Variants in FLNC observed in about 807,000 individuals in gnomAD.
The protein encoded by FLNC is filamin C.
A neutral mutation model predicts 254.3 loss-of-function variants in FLNC; 91 were observed. That is an observed-to-expected ratio of 0.36 (90% confidence interval 0.30 to 0.43). FLNC has a LOEUF of 0.43. Among genes scored for constraint, FLNC ranks in the 20% least tolerant of loss-of-function variants. The pLI is 1.00. For synonymous variants in FLNC, 1,430 were observed against 1,577.2 expected, an observed-to-expected ratio of 0.91 and a Z score of 2.21; for missense variants, 2,853 against 3,802.6, an observed-to-expected ratio of 0.75 and a Z score of 6.57.
rs1268909811 is a variant in FLNC at position 128,857,330 on chromosome 7, G to A, written c.7774G>A (p.Val2592Ile). Residue 2592 changes from valine (V) to isoleucine (I), a missense_variant, in exon 46 of 48, where the codon GTC (valine) becomes ATC (isoleucine). Physicochemically the swap from Val to Ile is conservative, Grantham distance 29 (BLOSUM62 3). Transcript: ENST00000325888. This position sits in a 1 kb window ranked among gnomAD's most constrained non-coding sequence, Gnocchi z 4.5. ...HIVGSPFKAKVTGPRLSGGHS... is the reference protein window; with the variant it reads ...HIVGSPFKAKITGPRLSGGHS... ...CGTGGGCAGCCCCTTCAAGGCCAAG[G>A]TCACTGGTGAGTGCCAGTTTGGGGG... 1.9e-6 allele frequency: 3 copies of A among 1,612,266 alleles called. No homozygotes were observed. Among genetic ancestry groups the A allele is most frequent in the African/African-American group, 1.3e-5 (1 of 74,854 alleles).
In FLNC at chr7:128,830,650, A is replaced by G. The variant is rs2128932075; in HGVS notation, c.13A>G (p.Ser5Gly). The G allele has an allele frequency of 1.2e-6, 2 of 1,612,086 alleles. No homozygotes were observed. The highest frequency in any genetic ancestry group is 2.2e-5 in the East Asian group (1 of 44,828). ...AGCCCGCGCCAGCATGATGAACAAC[A>G]GCGGCTACTCAGACGCCGGCCTCGG... MMNN[S>G]GYSDAGLGLG... Residue 5 changes from serine to glycine, a missense_variant, in exon 1 of 48, where the codon AGC becomes GGC. Ser to Gly is a moderately conservative substitution (Grantham distance 56). Transcript: ENST00000325888.
chr7:128,836,345 CAGCCTCCTGGGA>C lies in FLNC; in HGVS notation c.601+775_601+786del, dbSNP rs1259698538. Among the ~76,000 whole-genome samples the C allele has an allele frequency of 6.6e-6, 1 of 152,222 alleles. No individual in the cohort carries two copies. Among genetic ancestry groups the C allele is most frequent in the East Asian group, 1.9e-4 (1 of 5,192 alleles). ...GAGCAGAGGGTGGGAGGCGGGGGCA[CAGCCTCCTGGGA>C]AGCATTCCCAGCTGCTGAGCCATGG... is the stretch of plus-strand genomic sequence containing the variant. On this transcript the variant is annotated intron_variant, in intron 2 of 47. Transcript: ENST00000325888. This position sits in a 1 kb window ranked among gnomAD's most constrained non-coding sequence, Gnocchi z 6.0.
Position 128,854,794 on chromosome 7 carries a change from C to T in FLNC, c.7017C>T (p.Thr2339=), listed in dbSNP as rs1198721742. ...AGVPAEFSIW[T]REAGAGGLSI... Reference sequence around the variant, plus strand: ...CCCCAGCCGAGTTCAGCATCTGGACCCGGGAGGCTGGCGCTGGGGGCCTGT... The same window carrying T: ...CCCCAGCCGAGTTCAGCATCTGGACTCGGGAGGCTGGCGCTGGGGGCCTGT... The change falls in exon 42 of 48, where the codon ACC becomes ACT. Residue 2339 remains threonine, a synonymous_variant. Coordinates refer to ENST00000325888, the MANE Select transcript of FLNC (RefSeq NM_001458.5). 1 of 1,613,990 alleles carries T rather than the reference C, an allele frequency of 6.2e-7. No individual in the cohort carries two copies. The highest frequency in any genetic ancestry group is 8.5e-7 in the Non-Finnish European group (1 of 1,180,042).
Position 128,836,698 on chromosome 7 carries a change from G to A in FLNC, c.602-462G>A, listed in dbSNP as rs1481723056. The stretch of plus-strand genomic sequence containing the variant: ...AGTCTCATACCCTAAGACTGGTGTG[G>A]AAAGCGTTTGGAGTTCTAGAGCTTC... On this transcript the variant is annotated intron_variant, in intron 2 of 47. Transcript: ENST00000325888. The surrounding 1 kb of genome is among the most constrained non-coding windows in gnomAD (Gnocchi z 6.0). 3.9e-5 allele frequency among the ~76,000 whole-genome samples: 6 copies of A among 152,222 alleles called. No individual in the cohort carries two copies.
In FLNC at chr7:128,858,324, C is replaced by G; in HGVS notation, c.7991-12C>G. 1 of 1,475,408 alleles carries G rather than the reference C, an allele frequency of 6.8e-7. No individual in the cohort carries two copies. The highest frequency in any genetic ancestry group is 9.4e-7 in the Non-Finnish European group (1 of 1,061,512). The allele number at this position is 1,475,408 out of a possible 1,614,324, so 91.4% of individuals were successfully genotyped here. On this transcript the variant is annotated splice_polypyrimidine_tract_variant and intron_variant, in intron 47 of 47. Transcript: ENST00000325888. This position sits in a 1 kb window ranked among gnomAD's most constrained non-coding sequence, Gnocchi z 6.7. ...CCCTGGTGTGAGCCTGTCCCTCTGC[C>G]TCCCTCTCCAGGCACCAACATGATG...
rs373293417 is a variant in FLNC at position 128,841,381 on chromosome 7, A to T, written c.2007+18A>T. 9 of 1,613,648 alleles carry T rather than the reference A, an allele frequency of 5.6e-6. No individual in the cohort carries two copies. The highest frequency in any genetic ancestry group is 7.6e-6 in the Non-Finnish European group (9 of 1,179,800). ...CAGATAAGGTGTGGTCCCAGCTCAC[A>T]CACACCTGCCCCGGGGGTGGGGCAA... On this transcript the variant is annotated intron_variant, in intron 12 of 47. Coordinates refer to ENST00000325888, the MANE Select transcript of FLNC (RefSeq NM_001458.5). The surrounding 1 kb of genome is among the most constrained non-coding windows in gnomAD (Gnocchi z 4.3).
Position 128,842,108 on chromosome 7 carries a change from C to A in FLNC, c.2122-123C>A. 9.7e-7 allele frequency: 1 copy of A among 1,028,088 alleles called. No homozygotes were observed. Among genetic ancestry groups the A allele is most frequent in the South Asian group, 1.4e-5 (1 of 70,104 alleles). The allele number at this position is 1,028,088 out of a possible 1,614,324, so 63.7% of individuals were successfully genotyped here. A position where few individuals can be genotyped will look rare whatever the true frequency, so the allele number is the denominator to read the frequency against. ...CCCTGGGCTCTGGTGGCCTCAGTGGCTGGTGTGGGGGCGGGAGTGCCAGTG... is the reference window on the plus strand; with the variant it reads ...CCCTGGGCTCTGGTGGCCTCAGTGGATGGTGTGGGGGCGGGAGTGCCAGTG... On this transcript the variant is annotated intron_variant, in intron 13 of 47. Transcript: ENST00000325888. This position sits in a 1 kb window ranked among gnomAD's most constrained non-coding sequence, Gnocchi z 5.4.
At chr7:128,839,240 G>GC (rs1482478298) in intron 8 of FLNC, among the ~76,000 whole-genome samples, 1 of 152,134 alleles carries the variant, frequency 6.6e-6, no homozygotes, top group Non-Finnish European at 1.5e-5. Context: ...GTGTGGAATC[G>GC]CCCCCCCTTC....
intron 23 of FLNC, 48 bp from the exon 24 acceptor site, chr7:128,846,697 C>A: frequency 6.3e-7 from 1 of 1,589,198 alleles, no homozygotes; most frequent in Non-Finnish European, 8.6e-7. Flanking sequence ...ACTCCCTCAT[C>A]CTCACTCACT....
intron 24 of FLNC, 78 bp from the exon 25 acceptor site, chr7:128,847,619 C>G (rs927787943): frequency 6.4e-7 from 1 of 1,567,628 alleles, no homozygotes; most frequent in Non-Finnish European, 8.8e-7. Flanking sequence ...CAGGGAAGGC[C>G]TCCTCCTCCG....
In FLNC at chr7:128,846,290, C is replaced by T. The variant is rs1169074500; in HGVS notation, c.3965-11C>T. Reference sequence around the variant, plus strand: ...CACTCCCTGATTGATGCCCCTGTGGCTGGCTTCCAGGCGTGCATCTGGTGG... The same window carrying T: ...CACTCCCTGATTGATGCCCCTGTGGTTGGCTTCCAGGCGTGCATCTGGTGG... On this transcript the variant is annotated splice_polypyrimidine_tract_variant and intron_variant, in intron 22 of 47. Coordinates refer to ENST00000325888, the MANE Select transcript of FLNC (RefSeq NM_001458.5). 6.2e-7 allele frequency: 1 copy of T among 1,613,708 alleles called. No homozygotes were observed. The highest frequency in any genetic ancestry group is 8.5e-7 in the Non-Finnish European group (1 of 1,179,916).
intron 26 of FLNC, 148 bp from the exon 27 acceptor site, chr7:128,848,413 C>T (rs559969692): frequency 1.2e-5 from 11 of 886,516 alleles, no homozygotes; most frequent in Admixed American, 3.4e-5. Flanking sequence ...GGAATGTCAT[C>T]GGCTTCTGGG....
Position 128,848,081 on chromosome 7 carries a change from C to T in FLNC, c.4580+13C>T, listed in dbSNP as rs1184055144. The T allele has an allele frequency of 1.3e-6, 2 of 1,597,036 alleles. No individual in the cohort carries two copies. The highest frequency in any genetic ancestry group is 8.5e-7 in the Non-Finnish European group (1 of 1,171,566). ...AGGTGCCACGCAGGTGAGGACCAGC[C>T]CTGGGCTCCTGTGCTGCGGCTGAGC... is the stretch of plus-strand genomic sequence containing the variant. On this transcript the variant is annotated intron_variant, in intron 26 of 47. Coordinates refer to ENST00000325888, the MANE Select transcript of FLNC (RefSeq NM_001458.5).
chr7:128,834,380 A>G (rs1404950109), intron 1 of FLNC, among the ~76,000 whole-genome samples: 2 of 131,878 alleles, frequency 1.5e-5, no homozygotes, highest in Non-Finnish European at 3.1e-5. Context: ...TGATGGGTGG[A>G]GTGTGTCAGC....
chr7:128,844,376 C>A, intron 20 of FLNC, 110 bp downstream of exon 20: 1 of 1,341,178 alleles, frequency 7.5e-7, no homozygotes, highest in African/African-American at 1.5e-5. Context: ...GTGGGCACAG[C>A]CAAGGGTGTG....
rs771291072 is a variant in FLNC at position 128,851,513 on chromosome 7, C to G, written c.5727C>G (p.Asn1909Lys). The G allele has an allele frequency of 6.2e-7, 1 of 1,614,008 alleles. No individual in the cohort carries two copies. Among genetic ancestry groups the G allele is most frequent in the East Asian group, 2.2e-5 (1 of 44,890 alleles). ...AGGCAGAGATCACCTGTAAGGACAA[C>G]AAGGATGGCACCTGCACCGTGTCCT... ...PSKAEITCKD[N>K]KDGTCTVSYL... Residue 1909 changes from asparagine to lysine, a missense_variant, in exon 35 of 48, where the codon AAC (asparagine) becomes AAG (lysine). By Grantham distance (94) the Asn-to-Lys change is moderately conservative (BLOSUM62 0). Coordinates refer to ENST00000325888, the MANE Select transcript of FLNC (RefSeq NM_001458.5).
In FLNC at chr7:128,857,774, C is replaced by T. The variant is rs976290085; in HGVS notation, c.7781-234C>T. 2.0e-5 allele frequency among the ~76,000 whole-genome samples: 3 copies of T among 152,090 alleles called. No individual in the cohort carries two copies. Among genetic ancestry groups the T allele is most frequent in the African/African-American group, 4.8e-5 (2 of 41,388 alleles). On this transcript the variant is annotated intron_variant, in intron 46 of 47. Transcript: ENST00000325888. The surrounding 1 kb of genome is among the most constrained non-coding windows in gnomAD (Gnocchi z 4.5). The stretch of plus-strand genomic sequence containing the variant: ...AGACAAAGCCTGCAAGGATGAGGGA[C>T]GCAGCATCTGAGGCCCCAGCCCTAG...
At position 128,853,522 on chromosome 7, in the gene FLNC, T is replaced by C. The variant is rs201695815; in HGVS notation, c.6262T>C (p.Cys2088Arg). The C allele has an allele frequency of 6.2e-7, 1 of 1,613,962 alleles. No homozygotes were observed. The highest frequency in any genetic ancestry group is 1.3e-5 in the African/African-American group (1 of 74,902). The change falls in exon 38 of 48, where the codon TGT becomes CGT. Residue 2088 changes from cysteine to arginine, a missense_variant. Transcript: ENST00000325888. ...AGGCCCAAGCAAGGTGGACATCAAC[T>C]GTGAGGACATGGAGGACGGGACATG... ...IEGPSKVDIN[C>R]EDMEDGTCKV...
chr7:128,852,847 G>A lies in FLNC; in HGVS notation c.6024G>A (p.Lys2008=). 1.9e-6 allele frequency: 3 copies of A among 1,613,878 alleles called. No homozygotes were observed. The highest frequency in any genetic ancestry group is 2.5e-6 in the Non-Finnish European group (3 of 1,180,040). ...NRHIGISFTP[K]EVGEHVVSVR... is the part of the protein sequence containing the mutation. ...CCACAGGGATCTCCTTCACCCCCAA[G>A]GAGGTCGGGGAGCACGTGGTGAGCG... Residue 2008 remains lysine (K), a synonymous_variant, in exon 37 of 48, where the codon AAG becomes AAA. Transcript: ENST00000325888.
Sources: allele counts gnomAD v4.1 joint callset (sites outside exome capture counted in the v4.1 genomes callset), GRCh38; gene constraint gnomAD v4.1.1; non-coding constraint Gnocchi (gnomAD v3.1); transcripts MANE v1.5; gene names NCBI Gene and HGNC (gene_info 2026-07-23, HGNC 2026-07-21).